Variants in NDE1 observed in about 807,000 individuals in gnomAD.
NDE1 encodes nuclear distribution protein nudE homolog 1.
In NDE1, 28 loss-of-function variants were observed where a neutral mutation model predicts 43.4. The observed-to-expected ratio is 0.65, with a 90% CI of 0.48 to 0.89. NDE1 has a LOEUF of 0.89. NDE1 is among the 40% of genes least tolerant of loss of function. The pLI, the probability that NDE1 is intolerant of heterozygous loss-of-function variation, is 0.00. For synonymous variants in NDE1, 184 were observed against 172.0 expected (o/e 1.07, Z -0.55); for missense variants, 441 against 434.1 (o/e 1.02, Z -0.14).
In NDE1 at chr16:15,715,231, T is replaced by C. The variant is rs2040060420; in HGVS notation, c.948-8960T>C. On this transcript the variant is annotated intron_variant, in intron 8 of 8. Transcript: ENST00000396354. The stretch of plus-strand genomic sequence containing the variant: ...CTGCAGCAAGATTTCCTTCAGCTTC[T>C]TGTCTTTCTGCTTCAGCGACTTGGT... 4 of 1,614,200 alleles carry C rather than the reference T, an allele frequency of 2.5e-6. No homozygotes were observed. Among genetic ancestry groups the C allele is most frequent in the African/African-American group, 1.3e-5 (1 of 75,068 alleles).
chr16:15,698,507 C>G (rs2039108317), intron 8 of NDE1, among the ~76,000 whole-genome samples: 1 of 152,076 alleles, frequency 6.6e-6, no homozygotes, highest in Non-Finnish European at 1.5e-5. Context: ...AGACACGTGA[C>G]AGGAAATTAA....
intron 8 of NDE1, among the ~76,000 whole-genome samples, chr16:15,700,953 A>G (rs1247838815): frequency 1.3e-5 from 2 of 151,916 alleles, no homozygotes; most frequent in Non-Finnish European, 2.9e-5. Context: ...AAACTGGAAT[A>G]GGCTGGGCGC....
chr16:15,714,550 C>A, intron 8 of NDE1: 1 of 406,782 alleles, frequency 2.5e-6, no homozygotes, highest in South Asian at 2.6e-5. Context: ...GGTGAAGTGG[C>A]GGGGGGTGGT....
Position 15,725,934 on chromosome 16 carries a change from C to A in NDE1, c.*1683C>A, listed in dbSNP as rs887859862. ...TACATCATCTGGGTACAAGCTCCCC[C>A]TCCAACCCCACTCTGTACTATCTCC... is the stretch of plus-strand genomic sequence containing the variant. On this transcript the variant is annotated 3_prime_UTR_variant, in exon 9 of 9. Coordinates refer to ENST00000396354, the MANE Select transcript of NDE1 (RefSeq NM_017668.3). 1 of 372,570 alleles carries A rather than the reference C, an allele frequency of 2.7e-6. No homozygotes were observed. Among genetic ancestry groups the A allele is most frequent in the Non-Finnish European group, 4.8e-6 (1 of 210,032 alleles). The allele number at this position is 372,570 out of a possible 1,614,324, so 23.1% of individuals were successfully genotyped here. A position where few individuals can be genotyped will look rare whatever the true frequency, so the allele number is the denominator to read the frequency against.
At position 15,677,785 on chromosome 16, in the gene NDE1, CTG is replaced by C. The variant is rs930807132; in HGVS notation, c.238-12_238-11del. ...AAGTCTTAAGTCATTCACTCAGTGT[CTG>C]TGTTGTCCTTCAGGAGAAGTTTGAA... On this transcript the variant is annotated splice_polypyrimidine_tract_variant and intron_variant, in intron 3 of 8. Transcript: ENST00000396354. The C allele has an allele frequency of 5.0e-6, 8 of 1,614,002 alleles. No homozygotes were observed. The highest frequency in any genetic ancestry group is 6.8e-6 in the Non-Finnish European group (8 of 1,179,966).
At chr16:15,719,648 G>A (rs746290925) in intron 8 of NDE1, 4 of 1,614,150 alleles carry the variant, frequency 2.5e-6, no homozygotes, top group East Asian at 2.2e-5. Flanking sequence ...CTTTGGCTGT[G>A]GCAAAGATCT....
chr16:15,704,943 C>T lies in NDE1; in HGVS notation c.947+8083C>T, dbSNP rs3784858. On this transcript the variant is annotated intron_variant, in intron 8 of 8. Coordinates refer to ENST00000396354, the MANE Select transcript of NDE1 (RefSeq NM_017668.3). ...GTTCTCCTACCTTGGCCTCCCAAAG[C>T]GCTGGCATTACAGGCGTGGGCCACC... Among the ~76,000 whole-genome samples, 401 of 152,100 alleles carry T rather than the reference C, an allele frequency of 2.6e-3. 4 individuals are homozygous for T. The East Asian group carries it at 0.036, about 14-fold the overall frequency.
chr16:15,671,940 G>C (rs1000600415), intron 3 of NDE1, among the ~76,000 whole-genome samples: 1 of 151,856 alleles, frequency 6.6e-6, no homozygotes, highest in Non-Finnish European at 1.5e-5. Context: ...CGCCTGCCTC[G>C]GCCTCTCAAA....
At chr16:15,647,507 C>T (rs991542748), upstream of NDE1, among the ~76,000 whole-genome samples, 5 of 149,464 alleles carry the variant, frequency 3.3e-5, no homozygotes, top group Non-Finnish European at 4.4e-5. Flanking sequence ...GTTGCATGGT[C>T]TCCTCTCTAC....
chr16:15,665,945 G>T (rs561073346), intron 2 of NDE1, among the ~76,000 whole-genome samples: 1 of 151,926 alleles, frequency 6.6e-6, no homozygotes. Context: ...TAGTAGAGAC[G>T]GGGTTTCTCC....
At chr16:15,693,305 G>A (rs1438903431) in intron 6 of NDE1, among the ~76,000 whole-genome samples, 3 of 152,058 alleles carry the variant, frequency 2.0e-5, no homozygotes, top group Non-Finnish European at 2.9e-5. Context: ...GTGCCTGGCC[G>A]AGAGATTCTG....
At chr16:15,706,364 C>T (rs559514863) in intron 8 of NDE1, among the ~76,000 whole-genome samples, 2 of 152,116 alleles carry the variant, frequency 1.3e-5, no homozygotes, top group African/African-American at 2.4e-5. Context: ...GTTCCCTGTA[C>T]GCTCCCCACA....
chr16:15,694,287 C>T, intron 7 of NDE1, 31 bp downstream of exon 7: 2 of 1,607,676 alleles, frequency 1.2e-6, no homozygotes, highest in Non-Finnish European at 8.5e-7. Flanking sequence ...CGTTTGGTGC[C>T]TTCCTGCCTG....
At chr16:15,675,502 T>C (rs2037823288) in intron 3 of NDE1, among the ~76,000 whole-genome samples, 1 of 151,362 alleles carries the variant, frequency 6.6e-6, no homozygotes, top group South Asian at 2.1e-4. Context: ...AGCGGCGTGA[T>C]CATAGCTCAC....
In NDE1 at chr16:15,694,190, C is replaced by T. The variant is rs777477880; in HGVS notation, c.729C>T (p.Thr243=). Residue 243 remains threonine, a synonymous_variant, in exon 7 of 9, where the codon ACC becomes ACT. Transcript: ENST00000396354. ...GCCTGGACGACTCCACCGGGGGGACCCCCCTCACACCTGCGGCCCGGATAT... is the reference window on the plus strand; with the variant it reads ...GCCTGGACGACTCCACCGGGGGGACTCCCCTCACACCTGCGGCCCGGATAT... ...RRGLDDSTGG[T]PLTPAARISA... 16 of 1,613,046 alleles carry T rather than the reference C, an allele frequency of 9.9e-6. No individual in the cohort carries two copies. The African/African-American group carries it at 1.7e-4, about 17-fold the overall frequency.
intron 1 of NDE1, among the ~76,000 whole-genome samples, chr16:15,663,067 C>G (rs2037127829): frequency 6.6e-6 from 1 of 152,152 alleles, no homozygotes; most frequent in Non-Finnish European, 1.5e-5. Flanking sequence ...CTTGCAAAAG[C>G]CGTCTGTGAC....
intron 5 of NDE1, among the ~76,000 whole-genome samples, chr16:15,689,890 G>T (rs2151112432): frequency 7.1e-6 from 1 of 140,296 alleles, no homozygotes; most frequent in Middle Eastern, 3.9e-3. Context: ...AGTGAGCCGA[G>T]ACTGTGCCAC....
Position 15,726,053 on chromosome 16 carries a change from G to A in NDE1, c.*1802G>A, listed in dbSNP as rs968210928. 6 of 208,150 alleles carry A rather than the reference G, an allele frequency of 2.9e-5. No individual in the cohort carries two copies. In the Admixed American group the frequency reaches 3.6e-4, roughly 12 times the overall value. 12.9% of individuals were successfully genotyped at this position (208,150 alleles called of 1,614,324 possible). On this transcript the variant is annotated 3_prime_UTR_variant, in exon 9 of 9. Coordinates refer to ENST00000396354, the MANE Select transcript of NDE1 (RefSeq NM_017668.3). ...TTACCACAGGGCCTTTGCACACGCT[G>A]TTCCCTCTGCCTGGTAGACTTATCC...
At chr16:15,707,832 C>T (rs150166112) in intron 8 of NDE1, among the ~76,000 whole-genome samples, 4,124 of 152,022 alleles carry the variant, frequency 0.027, 185 homozygotes, top group African/African-American at 0.095. Flanking sequence ...ATTAGCTGGG[C>T]GAGGTGGCGG....
Sources: allele counts gnomAD v4.1 joint callset (sites outside exome capture counted in the v4.1 genomes callset), GRCh38; gene constraint gnomAD v4.1.1; transcripts MANE v1.5; gene names NCBI Gene and HGNC (gene_info 2026-07-23, HGNC 2026-07-21).